Variants in ACAA2 observed in about 807,000 individuals in gnomAD.
ACAA2 encodes acetyl-CoA acyltransferase 2.
Under a neutral mutation model 44.8 loss-of-function variants are expected in ACAA2, and 35 were observed. The ratio of observed to expected loss-of-function variants is 0.78; its 90% CI spans 0.60 to 1.04. The LOEUF is 1.04. ACAA2 is among the 50% of genes least tolerant of loss of function. ACAA2 has a pLI of 0.00. For synonymous variants in ACAA2, 142 were observed against 166.5 expected (o/e 0.85, Z 1.13); for missense variants, 468 against 482.6 (o/e 0.97, Z 0.28).
chr18:49,801,601 T>C (rs918127398), intron 2 of ACAA2, among the ~76,000 whole-genome samples: 2 of 151,920 alleles, frequency 1.3e-5, no homozygotes, highest in Non-Finnish European at 2.9e-5. Flanking sequence ...TTTTTCTGGA[T>C]GTGAAGATAC....
chr18:49,799,127 T>C (rs2023498458), intron 2 of ACAA2, among the ~76,000 whole-genome samples: 2 of 152,166 alleles, frequency 1.3e-5, no homozygotes, highest in African/African-American at 4.8e-5. Context: ...TACAACACCC[T>C]TTCATGACAA....
chr18:49,794,254 T>C (rs2023439183), intron 5 of ACAA2, 26 bp downstream of exon 5: 1 of 1,566,188 alleles, frequency 6.4e-7, no homozygotes, highest in Non-Finnish European at 8.6e-7. Flanking sequence ...ATTCTATAGA[T>C]ACTGATACTT....
Position 49,787,277 on chromosome 18 carries a change from A to AC in ACAA2, c.954+13_954+14insG. 6.8e-7 allele frequency: 1 copy of AC among 1,465,198 alleles called. No homozygotes were observed. The highest frequency in any genetic ancestry group is 1.5e-5 in the African/African-American group (1 of 67,510). 90.8% of individuals were successfully genotyped at this position (1,465,198 alleles called of 1,614,324 possible). A position where few individuals can be genotyped will look rare whatever the true frequency, so the allele number is the denominator to read the frequency against. ...CATGTTGTTAAAAAAAAAAAAAAAA[A>AC]AAAAAACACTTACCTCTACCAAATC... On this transcript the variant is annotated intron_variant, in intron 8 of 9. Transcript: ENST00000285093.
intron 5 of ACAA2, among the ~76,000 whole-genome samples, chr18:49,792,884 G>A (rs900770186): frequency 7.9e-5 from 12 of 151,706 alleles, no homozygotes; most frequent in South Asian, 4.2e-4. Flanking sequence ...CTTACCTTCC[G>A]TATTGGAGGA....
intron 2 of ACAA2, among the ~76,000 whole-genome samples, chr18:49,801,814 A>ATCTC (rs1555790829): frequency 7.4e-6 from 1 of 135,000 alleles, no homozygotes; most frequent in African/African-American, 2.7e-5. Flanking sequence ...ATATATATAT[A>ATCTC]TCTTATCTTT....
chr18:49,787,868 A>G (rs767568453), intron 7 of ACAA2, among the ~76,000 whole-genome samples: 1 of 152,186 alleles, frequency 6.6e-6, no homozygotes, highest in Non-Finnish European at 1.5e-5. Context: ...GATCCAAGCC[A>G]TATGCATTCA....
intron 2 of ACAA2, among the ~76,000 whole-genome samples, chr18:49,798,401 T>G (rs560976979): frequency 1.3e-5 from 2 of 152,174 alleles, no homozygotes; most frequent in East Asian, 3.9e-4. Flanking sequence ...CCGGAGATTC[T>G]GCATTTCTAA....
chr18:49,801,959 T>G (rs1350953791), intron 2 of ACAA2, among the ~76,000 whole-genome samples: 1 of 152,058 alleles, frequency 6.6e-6, no homozygotes, highest in Non-Finnish European at 1.5e-5. Context: ...TATGAATGAT[T>G]GATTTTGTAC....
chr18:49,805,762 T>C (rs2023604154), intron 1 of ACAA2, among the ~76,000 whole-genome samples: 1 of 151,622 alleles, frequency 6.6e-6, no homozygotes, highest in Non-Finnish European at 1.5e-5. Flanking sequence ...TTTTTTTCTT[T>C]TTTTTTTTTG....
At position 49,792,302 on chromosome 18, in the gene ACAA2, A is replaced by G. The variant is rs748795760; in HGVS notation, c.603T>C (p.Asp201=). 3.7e-5 allele frequency: 60 copies of G among 1,613,748 alleles called. No homozygotes were observed. Among genetic ancestry groups the G allele is most frequent in the Non-Finnish European group, 4.9e-5 (58 of 1,179,924 alleles). ...TCTTCACTTCAATTGGTGCCATTTC[A>G]TCATTAAAGTAGCCAGCATCATTAG... ...KAANDAGYFN[D]EMAPIEVKTK... Residue 201 remains aspartate (D), a synonymous_variant, in exon 6 of 10, where the codon GAT becomes GAC. Transcript: ENST00000285093.
chr18:49,789,529 G>A (rs2023373491), intron 7 of ACAA2, among the ~76,000 whole-genome samples: 1 of 152,152 alleles, frequency 6.6e-6, no homozygotes, highest in Non-Finnish European at 1.5e-5. Flanking sequence ...CCCAGGAACA[G>A]AAGGAAGGAA....
chr18:49,793,147 A>C (rs1161092388), intron 5 of ACAA2, among the ~76,000 whole-genome samples: 2 of 152,210 alleles, frequency 1.3e-5, no homozygotes, highest in Admixed American at 1.3e-4. Context: ...ACTGAAACTT[A>C]ATAGTGATAG....
At chr18:49,804,204 T>A (rs1003820082) in intron 1 of ACAA2, among the ~76,000 whole-genome samples, 2 of 152,000 alleles carry the variant, frequency 1.3e-5, no homozygotes, top group Admixed American at 6.6e-5. Context: ...AGTCACCCAC[T>A]CCCGGCCCCA....
intron 1 of ACAA2, among the ~76,000 whole-genome samples, chr18:49,803,255 A>AATT (rs1036667501): frequency 2.7e-5 from 4 of 147,576 alleles, no homozygotes; most frequent in African/African-American, 9.9e-5. Flanking sequence ...TAATAATAAT[A>AATT]ATAATAATAA....
intron 1 of ACAA2, among the ~76,000 whole-genome samples, chr18:49,808,276 T>C (rs1358371461): frequency 1.3e-5 from 2 of 152,242 alleles, no homozygotes; most frequent in African/African-American, 4.8e-5. Context: ...TATGGCCAGC[T>C]TGGAAGACAC....
intron 8 of ACAA2, among the ~76,000 whole-genome samples, chr18:49,786,779 CAATAAATTT>C (rs918771525): frequency 6.6e-6 from 1 of 152,072 alleles, no homozygotes; most frequent in Non-Finnish European, 1.5e-5. Context: ...AGAAATCACT[CAATAAATTT>C]AAGTTCCAGT....
At chr18:49,794,874 C>T (rs2023448121) in intron 4 of ACAA2, among the ~76,000 whole-genome samples, 1 of 152,166 alleles carries the variant, frequency 6.6e-6, no homozygotes, top group Non-Finnish European at 1.5e-5. Flanking sequence ...GCCTCAGTGA[C>T]AGGAATAGCT....
At position 49,794,426 on chromosome 18, in the gene ACAA2, A is replaced by T; in HGVS notation, c.431T>A (p.Leu144Gln). 2 of 1,578,902 alleles carry T rather than the reference A, an allele frequency of 1.3e-6. No homozygotes were observed. Among genetic ancestry groups the T allele is most frequent in the Non-Finnish European group, 1.7e-6 (2 of 1,166,746 alleles). Residue 144 changes from leucine (L) to glutamine (Q), a missense_variant and splice_region_variant, in exon 5 of 10, where the codon CTG becomes CAG. Transcript: ENST00000285093. The part of the protein sequence containing the change: ...FGTKLGSDIK[L>Q]EDSLWVSLTD... Reference sequence around the variant, plus strand: ...TAATGATACCCATAAAGAATCTTCCAGCTATTAAAAGACATTAATAAAGTG... The same window carrying T: ...TAATGATACCCATAAAGAATCTTCCTGCTATTAAAAGACATTAATAAAGTG...
intron 5 of ACAA2, among the ~76,000 whole-genome samples, chr18:49,793,766 G>C (rs1402447263): frequency 6.6e-6 from 1 of 152,150 alleles, no homozygotes; most frequent in Non-Finnish European, 1.5e-5. Flanking sequence ...TGCTACACCA[G>C]GGCACTCTAA....
Sources: allele counts gnomAD v4.1 joint callset (sites outside exome capture counted in the v4.1 genomes callset), GRCh38; gene constraint gnomAD v4.1.1; transcripts MANE v1.5; gene names NCBI Gene and HGNC (gene_info 2026-07-23, HGNC 2026-07-21).